The following TMEM154 variants were observed in gnomAD, a reference collection of about 807,000 sequenced individuals.
TMEM154 encodes the protein transmembrane protein 154.
A neutral mutation model predicts 24.5 loss-of-function variants in TMEM154; 27 were observed. The ratio of observed to expected loss-of-function variants is 1.10; its 90% CI spans 0.81 to 1.52. The LOEUF (loss-of-function observed/expected upper bound fraction) is 1.52, where lower values mean the gene tolerates loss of function less well. TMEM154 is among the 40% of genes most tolerant of loss of function. The probability of loss-of-function intolerance (pLI) is 0.00; values close to 1 mark genes in which losing one functional copy is unlikely to be tolerated. For synonymous variants in TMEM154, 67 were observed against 76.8 expected (o/e 0.87, Z 0.67); for missense variants, 228 against 213.4 (o/e 1.07, Z -0.43).
intron 1 of TMEM154, among the ~76,000 whole-genome samples, chr4:152,667,511 C>T (rs533423161): frequency 6.6e-6 from 1 of 152,036 alleles, no homozygotes; most frequent in Non-Finnish European, 1.5e-5. Flanking sequence ...GAGCAGGACT[C>T]GAGAAGAGGA....
chr4:152,646,999 A>G (rs1466237073), intron 3 of TMEM154: 4 of 714,998 alleles, frequency 5.6e-6, no homozygotes, highest in African/African-American at 1.7e-5. Context: ...AGGTCTAGGA[A>G]GAATGAGAGC....
intron 5 of TMEM154, among the ~76,000 whole-genome samples, chr4:152,642,341 T>G (rs996025486): frequency 1.3e-5 from 2 of 152,164 alleles, no homozygotes; most frequent in Admixed American, 6.5e-5. Flanking sequence ...GACATGATAA[T>G]GCTGGGTTTT....
chr4:152,672,680 C>G (rs1344451354), intron 1 of TMEM154, among the ~76,000 whole-genome samples: 3 of 152,128 alleles, frequency 2.0e-5, no homozygotes, highest in Admixed American at 2.0e-4. Context: ...TGGAGGAGAG[C>G]AAGAAGAACT....
At position 152,656,219 on chromosome 4, in the gene TMEM154, G is replaced by A. The variant is rs567676888; in HGVS notation, c.65-3292C>T. 5.3e-5 allele frequency among the ~76,000 whole-genome samples: 8 copies of A among 152,202 alleles called. No individual in the cohort carries two copies. In the East Asian group the frequency reaches 9.7e-4, roughly 18 times the overall value. On this transcript the variant is annotated intron_variant, in intron 1 of 6. Transcript: ENST00000304385. ...TACCACTGATACTGCCAACACCCAC[G>A]TCAATCTGCCTACCTGCCTGGCTAA... is the stretch of plus-strand genomic sequence containing the variant.
chr4:152,644,121 A>G (rs1460916328), intron 4 of TMEM154, among the ~76,000 whole-genome samples: 1 of 152,198 alleles, frequency 6.6e-6, no homozygotes, highest in East Asian at 1.9e-4. Flanking sequence ...CTAGGGATAG[A>G]ATATTTAACT....
chr4:152,638,469 A>G (rs959776155), intron 6 of TMEM154, among the ~76,000 whole-genome samples: 2 of 152,196 alleles, frequency 1.3e-5, no homozygotes, highest in Non-Finnish European at 2.9e-5. Context: ...TTCGCCCACC[A>G]GTATTGATGT....
At chr4:152,679,368 C>T (rs1042754691) in intron 1 of TMEM154, among the ~76,000 whole-genome samples, 3 of 151,346 alleles carry the variant, frequency 2.0e-5, no homozygotes, top group African/African-American at 7.3e-5. Flanking sequence ...GGATAATTTC[C>T]CGTTTCCTTT....
intron 1 of TMEM154, among the ~76,000 whole-genome samples, chr4:152,675,226 A>G (rs1026818976): frequency 1.3e-5 from 2 of 152,098 alleles, no homozygotes; most frequent in East Asian, 1.9e-4. Context: ...GTCTACACAA[A>G]CTTTAGCTAA....
chr4:152,673,255 T>G (rs1409056596), intron 1 of TMEM154, among the ~76,000 whole-genome samples: 2 of 152,114 alleles, frequency 1.3e-5, no homozygotes, highest in Non-Finnish European at 2.9e-5. Context: ...AGTAATCCTT[T>G]TTTTCTTTTT....
At chr4:152,654,264 T>C (rs1033430210) in intron 1 of TMEM154, among the ~76,000 whole-genome samples, 3 of 152,142 alleles carry the variant, frequency 2.0e-5, no homozygotes, top group African/African-American at 7.2e-5. Context: ...AGAAAACTTA[T>C]CAAATGAGAT....
chr4:152,660,565 A>G (rs1296349151), intron 1 of TMEM154, among the ~76,000 whole-genome samples: 1 of 152,160 alleles, frequency 6.6e-6, no homozygotes. Context: ...AGGTTACACA[A>G]CTTGCCCAAG....
At chr4:152,632,751 T>A (rs1752071587) in intron 6 of TMEM154, among the ~76,000 whole-genome samples, 1 of 152,246 alleles carries the variant, frequency 6.6e-6, no homozygotes. Flanking sequence ...AGTGGCTTTT[T>A]TAGCATAGTA....
At chr4:152,671,201 G>A (rs1728830108) in intron 1 of TMEM154, among the ~76,000 whole-genome samples, 1 of 151,996 alleles carries the variant, frequency 6.6e-6, no homozygotes. Flanking sequence ...CACTCAAGTG[G>A]CTGTATTATA....
chr4:152,669,877 G>A (rs973179529), intron 1 of TMEM154: 2 of 152,218 alleles, frequency 1.3e-5, no homozygotes, highest in Non-Finnish European at 2.9e-5. Flanking sequence ...ATACTGTTCT[G>A]TTAGGTAACT....
chr4:152,654,380 T>C (rs959849886), intron 1 of TMEM154, among the ~76,000 whole-genome samples: 1 of 152,258 alleles, frequency 6.6e-6, no homozygotes, highest in Admixed American at 6.5e-5. Context: ...CTTTACAGAA[T>C]GATCAAACTG....
chr4:152,676,758 C>T (rs1728959305), intron 1 of TMEM154, among the ~76,000 whole-genome samples: 1 of 152,202 alleles, frequency 6.6e-6, no homozygotes, highest in South Asian at 2.1e-4. Context: ...GTATTTTCTA[C>T]TATTCTTTCT....
At chr4:152,634,277 A>C (rs1431761504) in intron 6 of TMEM154, among the ~76,000 whole-genome samples, 7 of 152,138 alleles carry the variant, frequency 4.6e-5, no homozygotes, top group African/African-American at 1.7e-4. Flanking sequence ...TCTCCTGACC[A>C]GTCTATCTTG....
chr4:152,660,870 G>T (rs1728588113), intron 1 of TMEM154, among the ~76,000 whole-genome samples: 1 of 152,196 alleles, frequency 6.6e-6, no homozygotes, highest in African/African-American at 2.4e-5. Flanking sequence ...TGCCAGAAAA[G>T]CTGCCCAGAA....
At chr4:152,663,103 A>G (rs1475149181) in intron 1 of TMEM154, among the ~76,000 whole-genome samples, 1 of 152,218 alleles carries the variant, frequency 6.6e-6, no homozygotes, top group Non-Finnish European at 1.5e-5. Flanking sequence ...AAGTAAATGA[A>G]ATAAGAACTG....
Sources: allele counts gnomAD v4.1 joint callset (sites outside exome capture counted in the v4.1 genomes callset), GRCh38; gene constraint gnomAD v4.1.1; transcripts MANE v1.5; gene names NCBI Gene and HGNC (gene_info 2026-07-23, HGNC 2026-07-21).